The following CUX2 variants were observed in gnomAD, a reference collection of about 807,000 sequenced individuals.
The protein encoded by CUX2 is homeobox protein cut-like 2.
In CUX2, 40 loss-of-function variants were observed where a neutral mutation model predicts 144.8. That is an observed-to-expected ratio of 0.28 (90% CI 0.21 to 0.36). The LOEUF is 0.36. Among genes scored for constraint, CUX2 ranks in the 10% least tolerant of loss-of-function variants. The probability of loss-of-function intolerance (pLI) is 1.00; values close to 1 mark genes in which losing one functional copy is unlikely to be tolerated. For synonymous variants in CUX2, 827 were observed against 875.6 expected, an observed-to-expected ratio of 0.94 and a Z score of 0.98; for missense variants, 1,615 against 1,994.0, an observed-to-expected ratio of 0.81 and a Z score of 3.62.
intron 3 of CUX2, among the ~76,000 whole-genome samples, chr12:111,258,531 A>G (rs1461599772): frequency 2.0e-5 from 3 of 151,078 alleles, no homozygotes; most frequent in African/African-American, 7.3e-5. Context: ...AAAAAAAAAA[A>G]GAGGAATTTA....
In CUX2 at chr12:111,350,330, A is replaced by G. The variant is rs1565941533; in HGVS notation, c.*2005A>G. 2 of 152,372 alleles carry G rather than the reference A, an allele frequency of 1.3e-5. No individual in the cohort carries two copies. Among genetic ancestry groups the G allele is most frequent in the Non-Finnish European group, 2.9e-5 (2 of 68,034 alleles). 9.4% of individuals were successfully genotyped at this position (152,372 alleles called of 1,614,324 possible). ...CTAAATTTGGCTTTAGTGTGACGGG[A>G]TTTGATTAAGCACTTAGTATAGTCT... On this transcript the variant is annotated 3_prime_UTR_variant, in exon 22 of 22. Coordinates refer to ENST00000261726, the MANE Select transcript of CUX2 (RefSeq NM_015267.4).
chr12:111,343,641 A>G (rs970564457), intron 21 of CUX2, among the ~76,000 whole-genome samples: 1 of 152,164 alleles, frequency 6.6e-6, no homozygotes, highest in African/African-American at 2.4e-5. Context: ...TCAGTCCCCA[A>G]TCCCCCCACA....
At chr12:111,149,589 G>C (rs893783963) in intron 1 of CUX2, among the ~76,000 whole-genome samples, 1 of 152,150 alleles carries the variant, frequency 6.6e-6, no homozygotes, top group African/African-American at 2.4e-5. Flanking sequence ...ATCACCCCTG[G>C]TTGAAAACCC....
rs575214763 is a variant in CUX2 at position 111,244,996 on chromosome 12, G to A, written c.223-18765G>A. The stretch of plus-strand genomic sequence containing the variant: ...TGGGAGCAATGAAGGCTGTTGTGGG[G>A]GCTTCTCAAGGCTGCTTGTCTTTGA... On this transcript the variant is annotated intron_variant, in intron 3 of 21. Transcript: ENST00000261726. Among the ~76,000 whole-genome samples the A allele has an allele frequency of 9.2e-5, 14 of 152,216 alleles. No individual in the cohort carries two copies. In the South Asian group the frequency reaches 2.9e-3, roughly 32 times the overall value.
intron 1 of CUX2, among the ~76,000 whole-genome samples, chr12:111,055,638 C>T (rs1870483302): frequency 6.6e-6 from 1 of 152,242 alleles, no homozygotes; most frequent in Non-Finnish European, 1.5e-5. Flanking sequence ...TCCCGCCTGG[C>T]CCCCAAGGTG....
chr12:111,226,098 C>G (rs1400437894), intron 3 of CUX2, among the ~76,000 whole-genome samples: 2 of 152,226 alleles, frequency 1.3e-5, no homozygotes, highest in Non-Finnish European at 2.9e-5. Flanking sequence ...CGTGCGCCAC[C>G]ACACCCAGCT....
intron 3 of CUX2, among the ~76,000 whole-genome samples, chr12:111,240,258 T>C (rs542881521): frequency 6.6e-6 from 1 of 152,298 alleles, no homozygotes; most frequent in African/African-American, 2.4e-5. Context: ...AAACTGGGCC[T>C]CCCAGAGGGT....
At chr12:111,053,159 C>T (rs1006125585) in intron 1 of CUX2, among the ~76,000 whole-genome samples, 11 of 152,210 alleles carry the variant, frequency 7.2e-5, no homozygotes, top group African/African-American at 2.4e-4. Flanking sequence ...ATAGCATCTC[C>T]ACATGGAGGA....
chr12:111,303,408 G>T lies in CUX2; in HGVS notation c.754-802G>T, dbSNP rs531060579. ...CCCAGCACTTTGGGAGGCTGAAGCG[G>T]GTGGATCACCTGAGGTCAGGAGTTC... On this transcript the variant is annotated intron_variant, in intron 9 of 21. Coordinates refer to ENST00000261726, the MANE Select transcript of CUX2 (RefSeq NM_015267.4). 2.6e-5 allele frequency among the ~76,000 whole-genome samples: 4 copies of T among 151,438 alleles called. No individual in the cohort carries two copies. The East Asian group carries it at 7.9e-4, about 30-fold the overall frequency.
intron 1 of CUX2, among the ~76,000 whole-genome samples, chr12:111,101,094 A>AGG (rs984366779): frequency 6.6e-6 from 1 of 152,180 alleles, no homozygotes; most frequent in African/African-American, 2.4e-5. Flanking sequence ...TGGTTTTGGA[A>AGG]GGGGTGTTGC....
At chr12:111,309,758 T>A (rs1375024924) in intron 14 of CUX2, among the ~76,000 whole-genome samples, 1 of 151,500 alleles carries the variant, frequency 6.6e-6, no homozygotes, top group Non-Finnish European at 1.5e-5. Context: ...TCTCTCTCTC[T>A]CATGTGGTCT....
chr12:111,322,593 A>T lies in CUX2; in HGVS notation c.2926+13A>T. The T allele has an allele frequency of 1.2e-6, 2 of 1,604,216 alleles. No homozygotes were observed. Among genetic ancestry groups the T allele is most frequent in the Non-Finnish European group, 1.7e-6 (2 of 1,179,364 alleles). Reference sequence around the variant, plus strand: ...GGTGCCTCCCAGGGTGAGTGCGGGCAGGAGCATCTCAGGGGGTGCTGGCAA... The same window carrying T: ...GGTGCCTCCCAGGGTGAGTGCGGGCTGGAGCATCTCAGGGGGTGCTGGCAA... On this transcript the variant is annotated intron_variant, in intron 18 of 21. Coordinates refer to ENST00000261726, the MANE Select transcript of CUX2 (RefSeq NM_015267.4). This position sits in a 1 kb window ranked among gnomAD's most constrained non-coding sequence, Gnocchi z 4.2.
rs1057143877 is a variant in CUX2, at chr12:111,328,270, G to A, written c.2926+5690G>A. 5.3e-5 allele frequency among the ~76,000 whole-genome samples: 8 copies of A among 152,254 alleles called. 1 individual carries two copies. The highest frequency in any genetic ancestry group is 7.4e-5 in the Non-Finnish European group (5 of 68,014). ...GGGTGTCAGGACCTGTCCAAGCCCC[G>A]CTTGTGTATGCCCTGGCCACTGGGG... On this transcript the variant is annotated intron_variant, in intron 18 of 21. Coordinates refer to ENST00000261726, the MANE Select transcript of CUX2 (RefSeq NM_015267.4).
At chr12:111,308,247 G>C in intron 12 of CUX2, 38 bp from the exon 13 acceptor site, 1 of 1,613,192 alleles carries the variant, frequency 6.2e-7, no homozygotes, top group Non-Finnish European at 8.5e-7. Flanking sequence ...CAGCCCGGGG[G>C]CTGGCTGACC....
At chr12:111,047,663 A>G (rs1015220881) in intron 1 of CUX2, among the ~76,000 whole-genome samples, 2 of 152,238 alleles carry the variant, frequency 1.3e-5, no homozygotes, top group South Asian at 2.1e-4. Context: ...GAACCCAGAC[A>G]GTCTGGCCAG....
intron 1 of CUX2, among the ~76,000 whole-genome samples, chr12:111,130,315 C>A (rs1435363078): frequency 6.6e-6 from 1 of 152,184 alleles, no homozygotes; most frequent in East Asian, 1.9e-4. Flanking sequence ...AACTTTACTG[C>A]TCATACAGAT....
intron 3 of CUX2, 64 bp downstream of exon 3, chr12:111,218,001 C>CTGGGCAACTCTAGGTGGGA: frequency 6.3e-7 from 1 of 1,580,260 alleles, no homozygotes; most frequent in Non-Finnish European, 8.7e-7. Context: ...CCTATCCCAC[C>CTGGGCAACTCTAGGTGGGA]TAGAGTTGCC....
At chr12:111,154,128 T>C (rs1304429835) in intron 1 of CUX2, among the ~76,000 whole-genome samples, 3 of 151,864 alleles carry the variant, frequency 2.0e-5, no homozygotes, top group African/African-American at 7.3e-5. Context: ...CCCATATGGA[T>C]TTGTGGCAAC....
At chr12:111,217,574 G>A (rs746988780) in intron 2 of CUX2, among the ~76,000 whole-genome samples, 3 of 152,136 alleles carry the variant, frequency 2.0e-5, no homozygotes, top group Non-Finnish European at 4.4e-5. Context: ...AAGATATTTC[G>A]CATAAAAGAC....
Sources: gnomAD v4.1 joint callset for allele counts (sites outside exome capture counted in the v4.1 genomes callset) on GRCh38, gnomAD v4.1.1 for gene constraint, Gnocchi (gnomAD v3.1) non-coding constraint, MANE v1.5 for transcripts, NCBI Gene and HGNC (gene_info 2026-07-23, HGNC 2026-07-21) for gene names.